LGR5: variants seen among roughly 807,000 people sequenced by gnomAD.
The protein encoded by LGR5 is leucine-rich repeat-containing G protein-coupled receptor 5.
In LGR5, 54 loss-of-function variants were observed where a neutral mutation model predicts 76.7. That is an observed-to-expected ratio of 0.70 (90% confidence interval 0.57 to 0.88). LGR5 has a LOEUF of 0.88. LGR5 is among the 40% of genes least tolerant of loss of function. The pLI, the probability that LGR5 is intolerant of heterozygous loss-of-function variation, is 0.00. For synonymous variants in LGR5, 406 were observed against 421.9 expected, an observed-to-expected ratio of 0.96 and a Z score of 0.46; for missense variants, 1,078 against 1,073.3, an observed-to-expected ratio of 1.00 and a Z score of -0.06.
chr12:71,487,942 C>T (rs1873906134), intron 1 of LGR5, among the ~76,000 whole-genome samples: 1 of 149,558 alleles, frequency 6.7e-6, no homozygotes, highest in Non-Finnish European at 1.5e-5. Flanking sequence ...TTAATAGCTT[C>T]TTTCTAATGC....
chr12:71,448,084 A>AACACACACAC (rs35911721), intron 1 of LGR5, among the ~76,000 whole-genome samples: 130 of 145,680 alleles, frequency 8.9e-4, no homozygotes, highest in African/African-American at 3.0e-3. Context: ...CACACACACA[A>AACACACACAC]ACACACACAC....
chr12:71,507,217 A>T (rs559646674), intron 2 of LGR5, among the ~76,000 whole-genome samples: 1 of 152,336 alleles, frequency 6.6e-6, no homozygotes, highest in Non-Finnish European at 1.5e-5. Flanking sequence ...ATCAGAGCCA[A>T]GATTCAAACC....
At chr12:71,549,322 G>A (rs1877360540) in intron 4 of LGR5, among the ~76,000 whole-genome samples, 1 of 152,160 alleles carries the variant, frequency 6.6e-6, no homozygotes, top group Admixed American at 6.5e-5. Context: ...AGATGTTGGA[G>A]AAGGGGTACA....
chr12:71,501,522 A>G (rs978565498), intron 1 of LGR5, among the ~76,000 whole-genome samples: 4 of 152,188 alleles, frequency 2.6e-5, no homozygotes, highest in Admixed American at 2.0e-4. Flanking sequence ...AGCAGGCTAA[A>G]AGTAATTTAA....
intron 1 of LGR5, among the ~76,000 whole-genome samples, chr12:71,458,378 A>G (rs1872569700): frequency 6.6e-6 from 1 of 152,128 alleles, no homozygotes; most frequent in Non-Finnish European, 1.5e-5. Flanking sequence ...AGAAATTATT[A>G]CTGTGGAATA....
chr12:71,514,825 G>A (rs1054431879), intron 2 of LGR5, among the ~76,000 whole-genome samples: 2 of 152,118 alleles, frequency 1.3e-5, no homozygotes, highest in Non-Finnish European at 2.9e-5. Flanking sequence ...ACACAATGAC[G>A]GCATCACTTG....
chr12:71,439,603 G>A (rs1871648425), upstream of LGR5, among the ~76,000 whole-genome samples: 1 of 151,940 alleles, frequency 6.6e-6, no homozygotes, highest in Admixed American at 6.6e-5. Flanking sequence ...TGGGAGCGCC[G>A]AGAACTCGCC....
intron 17 of LGR5, 29 bp from the exon 18 acceptor site, chr12:71,583,618 C>T (rs769439430): frequency 3.4e-5 from 54 of 1,574,038 alleles, no homozygotes; most frequent in Non-Finnish European, 4.5e-5. Flanking sequence ...TAATTTGATA[C>T]TCAATCTTTG....
chr12:71,467,445 C>G (rs1427759158), intron 1 of LGR5, among the ~76,000 whole-genome samples: 1 of 152,188 alleles, frequency 6.6e-6, no homozygotes, highest in Non-Finnish European at 1.5e-5. Context: ...ATAGTAGGCA[C>G]TCCCTCTTTG....
At chr12:71,558,203 C>T (rs1296963211) in intron 6 of LGR5, among the ~76,000 whole-genome samples, 1 of 152,154 alleles carries the variant, frequency 6.6e-6, no homozygotes, top group Non-Finnish European at 1.5e-5. Flanking sequence ...AAACGCTGGG[C>T]TCAGAAATCT....
At chr12:71,489,654 T>C (rs1173751964) in intron 1 of LGR5, among the ~76,000 whole-genome samples, 2 of 152,164 alleles carry the variant, frequency 1.3e-5, no homozygotes, top group African/African-American at 4.8e-5. Flanking sequence ...CAAAAGAAAT[T>C]AATCTACCTG....
Position 71,584,812 on chromosome 12 carries a change from T to G in LGR5, c.*78T>G. On this transcript the variant is annotated 3_prime_UTR_variant, in exon 18 of 18. Coordinates refer to ENST00000266674, the MANE Select transcript of LGR5 (RefSeq NM_003667.4). ...TTGAGTATATCAGAGCAGTAATTAA[T>G]AAGAAGAGCTGAGGTGAAACTCGGT... 1 of 1,434,916 alleles carries G rather than the reference T, an allele frequency of 7.0e-7. No homozygotes were observed. Among genetic ancestry groups the G allele is most frequent in the South Asian group, 1.4e-5 (1 of 72,808 alleles). The allele number at this position is 1,434,916 out of a possible 1,614,324, so 88.9% of individuals were successfully genotyped here.
intron 3 of LGR5, among the ~76,000 whole-genome samples, chr12:71,531,369 T>G (rs1409318945): frequency 6.6e-6 from 1 of 152,222 alleles, no homozygotes; most frequent in Non-Finnish European, 1.5e-5. Context: ...AATGTTCTAA[T>G]TAACCCACTG....
At chr12:71,443,941 G>T in intron 1 of LGR5, among the ~76,000 whole-genome samples, 1 of 151,642 alleles carries the variant, frequency 6.6e-6, no homozygotes, top group East Asian at 1.9e-4. Flanking sequence ...TATGTAGTTT[G>T]GTTACTTTTT....
chr12:71,487,650 C>T (rs984424224), intron 1 of LGR5, among the ~76,000 whole-genome samples: 1 of 152,162 alleles, frequency 6.6e-6, no homozygotes, highest in Non-Finnish European at 1.5e-5. Flanking sequence ...TGGCCTCAAG[C>T]GATCCTCCCA....
intron 1 of LGR5, among the ~76,000 whole-genome samples, chr12:71,504,144 G>GT (rs1406490658): frequency 6.6e-6 from 1 of 151,420 alleles, no homozygotes; most frequent in South Asian, 2.1e-4. Flanking sequence ...TGTTGTTGTT[G>GT]TTGTTTTAAA....
intron 8 of LGR5, among the ~76,000 whole-genome samples, chr12:71,562,162 G>A (rs1382152063): frequency 3.3e-5 from 5 of 152,116 alleles, no homozygotes; most frequent in African/African-American, 7.2e-5. Flanking sequence ...GAGCATTAAT[G>A]TCAAGTCTGC....
In LGR5 at chr12:71,583,775, A is replaced by G; in HGVS notation, c.1765A>G (p.Ile589Val). 1 of 1,613,954 alleles carries G rather than the reference A, an allele frequency of 6.2e-7. No individual in the cohort carries two copies. The highest frequency in any genetic ancestry group is 8.5e-7 in the Non-Finnish European group (1 of 1,180,004). ...AACAGTTTTCAGATCCCCTCTGTAC[A>G]TTTCCCCCATTAAACTGTTAATTGG... Reference protein sequence around the residue: ...TSTVFRSPLYISPIKLLIGVI... With the variant: ...TSTVFRSPLYVSPIKLLIGVI... The change falls in exon 18 of 18, where the codon ATT becomes GTT. Residue 589 changes from isoleucine to valine, a missense_variant. Coordinates refer to ENST00000266674, the MANE Select transcript of LGR5 (RefSeq NM_003667.4).
intron 1 of LGR5, among the ~76,000 whole-genome samples, chr12:71,446,313 T>C (rs547790508): frequency 6.6e-6 from 1 of 152,380 alleles, no homozygotes; most frequent in Admixed American, 6.5e-5. Flanking sequence ...GAGTTGTTTA[T>C]TTTAACACAT....
Sources: allele counts gnomAD v4.1 joint callset (sites outside exome capture counted in the v4.1 genomes callset), GRCh38; gene constraint gnomAD v4.1.1; transcripts MANE v1.5; gene names NCBI Gene and HGNC (gene_info 2026-07-23, HGNC 2026-07-21).